Variants in DPY19L1 observed in about 807,000 individuals in gnomAD.
The protein encoded by DPY19L1 is protein C-mannosyl-transferase DPY19L1.
In DPY19L1, 35 loss-of-function variants were observed where a neutral mutation model predicts 96.9. The observed-to-expected ratio is 0.36, with a 90% CI of 0.28 to 0.48. The LOEUF is 0.48. Ranked by LOEUF, DPY19L1 falls within the 20% of genes least tolerant of loss-of-function variation. DPY19L1 has a pLI of 0.99. For missense variants in DPY19L1, 521 were observed against 777.9 expected (o/e 0.67, Z 3.93); for synonymous variants, 205 against 252.6 (o/e 0.81, Z 1.79).
chr7:35,000,187 C>A (rs1785389200), intron 6 of DPY19L1, among the ~76,000 whole-genome samples: 1 of 152,154 alleles, frequency 6.6e-6, no homozygotes, highest in Non-Finnish European at 1.5e-5. Context: ...AAAAATACTT[C>A]TAAGGAACAA....
intron 8 of DPY19L1, among the ~76,000 whole-genome samples, chr7:34,969,833 T>C (rs559412954): frequency 6.6e-6 from 1 of 152,328 alleles, no homozygotes; most frequent in African/African-American, 2.4e-5. Flanking sequence ...TTAAAAATAC[T>C]GATTCAACAG....
At chr7:35,024,026 C>T (rs1429091806) in intron 1 of DPY19L1, among the ~76,000 whole-genome samples, 1 of 151,546 alleles carries the variant, frequency 6.6e-6, no homozygotes, top group African/African-American at 2.4e-5. Flanking sequence ...TTAGTAGAGA[C>T]GGGGTTTCAC....
At chr7:34,975,115 T>A (rs1452405216) in intron 7 of DPY19L1, among the ~76,000 whole-genome samples, 1 of 152,184 alleles carries the variant, frequency 6.6e-6, no homozygotes, top group Non-Finnish European at 1.5e-5. Flanking sequence ...AAAGGGCCTC[T>A]AAGTGTTCAA....
At chr7:34,975,198 T>C (rs796761486) in intron 7 of DPY19L1, among the ~76,000 whole-genome samples, 21 of 152,344 alleles carry the variant, frequency 1.4e-4, no homozygotes, top group African/African-American at 4.8e-4. Context: ...GAAGAAGGCA[T>C]GTCAAAAGCC....
intron 1 of DPY19L1, among the ~76,000 whole-genome samples, chr7:35,035,044 G>A (rs1399170018): frequency 2.6e-5 from 4 of 152,214 alleles, no homozygotes; most frequent in Non-Finnish European, 4.4e-5. Flanking sequence ...TCGTGGGGAA[G>A]AAATAGGTCT....
In DPY19L1 at chr7:35,025,327, A is replaced by G. The variant is rs1453112591; in HGVS notation, c.299-6731T>C. Among the ~76,000 whole-genome samples, 6 of 152,166 alleles carry G rather than the reference A, an allele frequency of 3.9e-5. No individual in the cohort carries two copies. The East Asian group carries it at 5.8e-4, about 15-fold the overall frequency. On this transcript the variant is annotated intron_variant, in intron 1 of 21. Coordinates refer to ENST00000638088, the MANE Select transcript of DPY19L1 (RefSeq NM_001366673.1). ...CAAAAACATTAAAGAAACATAGCCA[A>G]TATCTTTGCCCTTAAAGATAAAATC...
intron 11 of DPY19L1, among the ~76,000 whole-genome samples, chr7:34,955,578 T>A (rs1286200481): frequency 6.6e-6 from 1 of 152,202 alleles, no homozygotes; most frequent in Non-Finnish European, 1.5e-5. Flanking sequence ...AATGCGTGAC[T>A]TTTTAAAGTT....
chr7:35,012,827 A>G (rs1785745622), intron 4 of DPY19L1, among the ~76,000 whole-genome samples: 1 of 152,144 alleles, frequency 6.6e-6, no homozygotes, highest in Admixed American at 6.5e-5. Flanking sequence ...GTATATAATA[A>G]ATGAACTTAT....
At chr7:34,990,588 G>C (rs1272745835) in intron 6 of DPY19L1, among the ~76,000 whole-genome samples, 1 of 152,172 alleles carries the variant, frequency 6.6e-6, no homozygotes, top group East Asian at 1.9e-4. Context: ...ATGACAATCA[G>C]GCTTATAACT....
At chr7:34,953,518 G>A (rs1454568342) in intron 13 of DPY19L1, among the ~76,000 whole-genome samples, 1 of 152,116 alleles carries the variant, frequency 6.6e-6, no homozygotes, top group African/African-American at 2.4e-5. Context: ...CTGACTTCCA[G>A]GATCCTTCCC....
chr7:35,005,834 A>T (rs1054559735), intron 6 of DPY19L1, among the ~76,000 whole-genome samples: 3 of 151,654 alleles, frequency 2.0e-5, no homozygotes, highest in Non-Finnish European at 2.9e-5. Context: ...GTTTTGTCTT[A>T]ATTTTGTCAT....
intron 7 of DPY19L1, among the ~76,000 whole-genome samples, chr7:34,977,440 C>T (rs1383783579): frequency 3.3e-5 from 5 of 152,178 alleles, no homozygotes; most frequent in Non-Finnish European, 7.3e-5. Context: ...TTCACCAAAA[C>T]TGAATTATAT....
rs1784681126 is a variant in DPY19L1 at position 34,969,509 on chromosome 7, C to T, written c.938G>A (p.Ser313Asn). ...ATTGGAAATGCAGAGTGCAATCAAGCTTCCTCTATAAAGTTTTGTAGCCCT... is the reference window on the plus strand; with the variant it reads ...ATTGGAAATGCAGAGTGCAATCAAGTTTCCTCTATAAAGTTTTGTAGCCCT... Reference protein sequence around the residue: ...ILRATKLYRGSLIALCISNVF... With the variant: ...ILRATKLYRGNLIALCISNVF... Residue 313 changes from serine (S) to asparagine (N), a missense_variant, in exon 9 of 22, where the codon AGC becomes AAC. By Grantham distance (46) the Ser-to-Asn change is conservative. Coordinates refer to ENST00000638088, the MANE Select transcript of DPY19L1 (RefSeq NM_001366673.1). 1.9e-6 allele frequency: 3 copies of T among 1,568,072 alleles called. No individual in the cohort carries two copies. Among genetic ancestry groups the T allele is most frequent in the South Asian group, 1.2e-5 (1 of 82,940 alleles).
rs1167432922 is a variant in DPY19L1 at position 35,017,376 on chromosome 7, T to A, written c.411+506A>T. ...CGGGCGCGGTGGCGGGCGCCTGTAG[T>A]CCCAGCTACTGGGGAGGCTGAGGCA... On this transcript the variant is annotated intron_variant, in intron 3 of 21. Coordinates refer to ENST00000638088, the MANE Select transcript of DPY19L1 (RefSeq NM_001366673.1). Among the ~76,000 whole-genome samples, 6 of 151,566 alleles carry A rather than the reference T, an allele frequency of 4.0e-5. No homozygotes were observed. The South Asian group carries it at 1.3e-3, about 32-fold the overall frequency.
intron 3 of DPY19L1, among the ~76,000 whole-genome samples, chr7:35,017,518 A>AAAAAAAAAC (rs58385351): frequency 0.088 from 7,993 of 90,988 alleles, 1,112 homozygotes; most frequent in Non-Finnish European, 0.13. Flanking sequence ...AAAAAAAAAA[A>AAAAAAAAAC]AAAATTAGCC....
At chr7:34,970,851 A>C (rs1158709696) in intron 8 of DPY19L1, among the ~76,000 whole-genome samples, 1 of 152,096 alleles carries the variant, frequency 6.6e-6, no homozygotes, top group Non-Finnish European at 1.5e-5. Flanking sequence ...GAATGAAAAA[A>C]AAAAAAAAAG....
At chr7:34,936,509 A>G (rs1330694884) in intron 21 of DPY19L1, among the ~76,000 whole-genome samples, 4 of 152,204 alleles carry the variant, frequency 2.6e-5, no homozygotes, top group East Asian at 1.9e-4. Context: ...CCATTCTGGT[A>G]GAAAGCTATG....
chr7:34,963,144 G>A (rs1207775632), intron 10 of DPY19L1, among the ~76,000 whole-genome samples: 20 of 140,652 alleles, frequency 1.4e-4, no homozygotes, highest in African/African-American at 3.2e-4. Flanking sequence ...GCAGTGAGCC[G>A]AGATCGTGCC....
intron 6 of DPY19L1, among the ~76,000 whole-genome samples, chr7:35,000,990 G>C (rs765507733): frequency 3.5e-4 from 53 of 152,128 alleles, no homozygotes; most frequent in Non-Finnish European, 6.2e-4. Flanking sequence ...AGCCACTGTT[G>C]GTACTCAAAT....
Sources: gnomAD v4.1 joint callset for allele counts (sites outside exome capture counted in the v4.1 genomes callset) on GRCh38, gnomAD v4.1.1 for gene constraint, MANE v1.5 for transcripts, NCBI Gene and HGNC (gene_info 2026-07-23, HGNC 2026-07-21) for gene names.